Variants in ANTXR1 observed in about 807,000 individuals in gnomAD.
ANTXR1 encodes anthrax toxin receptor 1.
A neutral mutation model predicts 78.1 loss-of-function variants in ANTXR1; 19 were observed. The observed-to-expected ratio is 0.24, with a 90% CI of 0.17 to 0.36. ANTXR1 has a LOEUF of 0.36. ANTXR1 is among the 10% of genes least tolerant of loss of function. ANTXR1 has a pLI of 1.00. For missense variants in ANTXR1, 518 were observed against 718.6 expected, an observed-to-expected ratio of 0.72 and a Z score of 3.19; for synonymous variants, 273 against 260.5, an observed-to-expected ratio of 1.05 and a Z score of -0.46.
intron 17 of ANTXR1, among the ~76,000 whole-genome samples, chr2:69,226,187 G>A (rs1020409143): frequency 6.6e-6 from 1 of 152,184 alleles, no homozygotes; most frequent in Non-Finnish European, 1.5e-5. Context: ...CAGGGTCTTT[G>A]GAGACTGAAC....
At chr2:69,091,828 G>A (rs1021471486) in intron 9 of ANTXR1, among the ~76,000 whole-genome samples, 2 of 152,128 alleles carry the variant, frequency 1.3e-5, no homozygotes, top group South Asian at 2.1e-4. Context: ...AGCCTTCTTC[G>A]AGTCACAAGA....
intron 17 of ANTXR1, among the ~76,000 whole-genome samples, chr2:69,226,020 T>C (rs1463180761): frequency 6.6e-6 from 1 of 152,132 alleles, no homozygotes; most frequent in Non-Finnish European, 1.5e-5. Flanking sequence ...AGTGAGCTGT[T>C]CAGAACTGCA....
intron 14 of ANTXR1, among the ~76,000 whole-genome samples, chr2:69,177,704 T>C (rs547275967): frequency 6.6e-6 from 1 of 152,322 alleles, no homozygotes; most frequent in Non-Finnish European, 1.5e-5. Context: ...AGACACGATC[T>C]AGCAGCTCTG....
chr2:69,035,817 C>T (rs1292915508), intron 1 of ANTXR1, among the ~76,000 whole-genome samples: 2 of 152,236 alleles, frequency 1.3e-5, no homozygotes, highest in Admixed American at 1.3e-4. Context: ...GAAAATTCAG[C>T]TTTTGCCCAT....
In ANTXR1 at chr2:69,071,692, TATG is replaced by T. The variant is rs1558514906; in HGVS notation, c.379-61_379-59del. ...TTCAACAACAGAGCCCATTATCCACTATGGTTTTTGGAGTGACAAACAGTGGTT... is the reference window on the plus strand; with the variant it reads ...TTCAACAACAGAGCCCATTATCCACTGTTTTTGGAGTGACAAACAGTGGTT... On this transcript the variant is annotated intron_variant, in intron 4 of 17. Transcript: ENST00000303714. The T allele has an allele frequency of 9.1e-6, 14 of 1,544,894 alleles. No homozygotes were observed. In the African/African-American group the frequency reaches 1.9e-4, roughly 21 times the overall value.
intron 3 of ANTXR1, among the ~76,000 whole-genome samples, chr2:69,064,452 C>T (rs1445991510): frequency 1.3e-5 from 2 of 152,114 alleles, no homozygotes; most frequent in Non-Finnish European, 2.9e-5. Flanking sequence ...TAGTTTTTGT[C>T]ATATTTACAG....
At chr2:69,202,123 A>G (rs890458628) in intron 17 of ANTXR1, among the ~76,000 whole-genome samples, 1 of 152,128 alleles carries the variant, frequency 6.6e-6, no homozygotes, top group African/African-American at 2.4e-5. Context: ...GAAACCAGGG[A>G]GAGGGGTAGA....
chr2:69,096,300 G>A (rs1308203603), intron 9 of ANTXR1, among the ~76,000 whole-genome samples: 30 of 2,668 alleles, frequency 0.011, 9 homozygotes, highest in African/African-American at 0.11. Context: ...GAGGAAGGGA[G>A]GAAGGGAGGA....
intron 17 of ANTXR1, among the ~76,000 whole-genome samples, chr2:69,223,084 C>T (rs13031261): frequency 0.39 from 59,465 of 152,028 alleles, 13,250 homozygotes; most frequent in East Asian, 0.69. Flanking sequence ...AGCTGGCTCT[C>T]CTCCAGCCTG....
At chr2:69,123,267 AC>A (rs778673976) in intron 11 of ANTXR1, among the ~76,000 whole-genome samples, 181 bp downstream of exon 11, 7 of 152,122 alleles carry the variant, frequency 4.6e-5, no homozygotes, top group Non-Finnish European at 7.4e-5. Context: ...AAAGTATCTC[AC>A]TTCATTCTCC....
intron 13 of ANTXR1, among the ~76,000 whole-genome samples, chr2:69,157,588 C>G (rs2104436996): frequency 6.6e-6 from 1 of 152,288 alleles, no homozygotes; most frequent in African/African-American, 2.4e-5. Context: ...TTCTGTCCCT[C>G]CTTGTCTTAT....
intron 10 of ANTXR1, among the ~76,000 whole-genome samples, chr2:69,117,709 C>T (rs1298246166): frequency 6.6e-6 from 1 of 152,194 alleles, no homozygotes; most frequent in African/African-American, 2.4e-5. Flanking sequence ...ATAACATCTA[C>T]TGAATGCTCA....
At chr2:69,104,057 G>T (rs553869501) in intron 10 of ANTXR1, among the ~76,000 whole-genome samples, 14 of 151,690 alleles carry the variant, frequency 9.2e-5, no homozygotes, top group African/African-American at 3.4e-4. Flanking sequence ...TCCTGCCTCA[G>T]CCTCCTGAGT....
intron 17 of ANTXR1, among the ~76,000 whole-genome samples, chr2:69,213,594 A>G (rs1675103803): frequency 6.6e-6 from 1 of 152,244 alleles, no homozygotes. Context: ...CTGTTGATGT[A>G]GTTACCTTCC....
chr2:69,061,076 A>G (rs56885830), intron 3 of ANTXR1, among the ~76,000 whole-genome samples: 11,474 of 152,210 alleles, frequency 0.075, 552 homozygotes, highest in Middle Eastern at 0.14. Flanking sequence ...AGATGAACAA[A>G]CCATGTAGCC....
intron 12 of ANTXR1, among the ~76,000 whole-genome samples, chr2:69,142,652 G>A (rs1437600027): frequency 3.3e-5 from 5 of 152,172 alleles, no homozygotes; most frequent in African/African-American, 1.2e-4. Context: ...CAATAAATAT[G>A]TTAGGTATGA....
intron 9 of ANTXR1, among the ~76,000 whole-genome samples, chr2:69,096,362 G>A (rs201934311): frequency 0.87 from 45,664 of 52,398 alleles, 20,270 homozygotes; most frequent in East Asian, 0.97. Flanking sequence ...GGGAGGAAGG[G>A]AGGAAGGGAG....
chr2:69,140,288 C>T (rs1673033978), intron 12 of ANTXR1, among the ~76,000 whole-genome samples: 1 of 152,184 alleles, frequency 6.6e-6, no homozygotes, highest in Admixed American at 6.5e-5. Flanking sequence ...TCATATAAGG[C>T]ATAAAGTAAT....
At chr2:69,208,958 A>C (rs1371693574) in intron 17 of ANTXR1, among the ~76,000 whole-genome samples, 3 of 152,154 alleles carry the variant, frequency 2.0e-5, no homozygotes, top group Admixed American at 6.5e-5. Flanking sequence ...GCTGGAGTGC[A>C]GTGTCACTAT....
Sources: gnomAD v4.1 joint callset for allele counts (sites outside exome capture counted in the v4.1 genomes callset) on GRCh38, gnomAD v4.1.1 for gene constraint, MANE v1.5 for transcripts, NCBI Gene and HGNC (gene_info 2026-07-23, HGNC 2026-07-21) for gene names.